The following MAP2K6 variants were observed in gnomAD, a reference collection of about 807,000 sequenced individuals.
MAP2K6 encodes the protein mitogen-activated protein kinase kinase 6.
A neutral mutation model predicts 53.7 loss-of-function variants in MAP2K6; 16 were observed. That is an observed-to-expected ratio of 0.30 (90% confidence interval 0.20 to 0.45). The LOEUF is 0.45. MAP2K6 is among the 20% of genes least tolerant of loss of function. The pLI is 1.00. For synonymous variants in MAP2K6, 132 were observed against 143.1 expected (o/e 0.92, Z 0.55); for missense variants, 204 against 411.9 (o/e 0.50, Z 4.37).
At chr17:69,459,132 A>G (rs1907524555) in intron 1 of MAP2K6, among the ~76,000 whole-genome samples, 1 of 152,206 alleles carries the variant, frequency 6.6e-6, no homozygotes, top group African/African-American at 2.4e-5. Flanking sequence ...TTTATACTTA[A>G]AAACGTGTTT....
At position 69,414,849 on chromosome 17, in the gene MAP2K6, T is replaced by C; in HGVS notation, c.-136T>C. The C allele has an allele frequency of 4.1e-6, 3 of 735,366 alleles. No homozygotes were observed. The South Asian group carries it at 5.0e-5, about 12-fold the overall frequency. 45.6% of individuals were successfully genotyped at this position (735,366 alleles called of 1,614,324 possible). On this transcript the variant is annotated 5_prime_UTR_variant, in exon 1 of 12. Coordinates refer to ENST00000590474, the MANE Select transcript of MAP2K6 (RefSeq NM_002758.4). ...CTTGATTCCCTGAAAGTCCATCTGC[T>C]GCATCGGTCAAGAGAAACTCCACTT...
chr17:69,456,445 G>T (rs1481829089), intron 1 of MAP2K6, among the ~76,000 whole-genome samples: 2 of 152,188 alleles, frequency 1.3e-5, no homozygotes, highest in Non-Finnish European at 2.9e-5. Flanking sequence ...TGATTCTAGA[G>T]ATTGGCTTGA....
intron 1 of MAP2K6, among the ~76,000 whole-genome samples, chr17:69,500,467 A>AAAAAT (rs1909115198): frequency 5.4e-5 from 8 of 148,862 alleles, no homozygotes; most frequent in Non-Finnish European, 3.0e-5. Flanking sequence ...AAAAAAAAAA[A>AAAAAT]AAAAAAAGGC....
At chr17:69,451,566 G>A (rs1030622836) in intron 1 of MAP2K6, among the ~76,000 whole-genome samples, 1 of 152,176 alleles carries the variant, frequency 6.6e-6, no homozygotes, top group Non-Finnish European at 1.5e-5. Flanking sequence ...TTGCATACAG[G>A]AAGTTTACTG....
chr17:69,464,418 C>G (rs576929036), intron 1 of MAP2K6, among the ~76,000 whole-genome samples: 1 of 152,014 alleles, frequency 6.6e-6, no homozygotes, highest in Non-Finnish European at 1.5e-5. Flanking sequence ...GGCTGGAGTT[C>G]GAGTCCAGGC....
At chr17:69,536,694 GT>G (rs1437062998) in intron 11 of MAP2K6, among the ~76,000 whole-genome samples, 2 of 152,198 alleles carry the variant, frequency 1.3e-5, no homozygotes, top group African/African-American at 4.8e-5. Context: ...AGCATTCACA[GT>G]TTATCACTTG....
chr17:69,522,339 A>G (rs1433352325), intron 7 of MAP2K6, among the ~76,000 whole-genome samples: 1 of 152,246 alleles, frequency 6.6e-6, no homozygotes, highest in Non-Finnish European at 1.5e-5. Flanking sequence ...CAACTTTGAA[A>G]TTAACATTAA....
At chr17:69,535,508 C>T (rs1229370104) in intron 10 of MAP2K6, among the ~76,000 whole-genome samples, 1 of 152,136 alleles carries the variant, frequency 6.6e-6, no homozygotes, top group Non-Finnish European at 1.5e-5. Flanking sequence ...GGAAGATCAC[C>T]TGAGCCTAGG....
intron 6 of MAP2K6, 200 bp from the exon 7 acceptor site, chr17:69,520,835 GGAGACATCCTCTCT>G: frequency 4.2e-6 from 2 of 473,470 alleles, no homozygotes. Flanking sequence ...GACAGATGAG[GGAGACATCCTCTCT>G]GATATAAGAT....
Position 69,443,163 on chromosome 17 carries a change from T to C in MAP2K6, c.16+28163T>C, listed in dbSNP as rs1433091495. Among the ~76,000 whole-genome samples, 4 of 152,288 alleles carry C rather than the reference T, an allele frequency of 2.6e-5. No individual in the cohort carries two copies. The East Asian group carries it at 7.7e-4, about 29-fold the overall frequency. On this transcript the variant is annotated intron_variant, in intron 1 of 11. Coordinates refer to ENST00000590474, the MANE Select transcript of MAP2K6 (RefSeq NM_002758.4). ...AATTTATTGTACCTCTCTCATACCT[T>C]ATGTTTATTCTTAGAATGTCCATTT...
chr17:69,505,737 T>C (rs746850236), intron 1 of MAP2K6, 43 bp from the exon 2 acceptor site: 6 of 1,496,904 alleles, frequency 4.0e-6, no homozygotes, highest in Non-Finnish European at 5.6e-6. Context: ...GCTATCTTGC[T>C]ATGATTTAGT....
intron 1 of MAP2K6, among the ~76,000 whole-genome samples, chr17:69,462,327 C>T (rs1310030835): frequency 6.6e-6 from 1 of 152,090 alleles, no homozygotes; most frequent in Non-Finnish European, 1.5e-5. Flanking sequence ...CTTGGCTGGT[C>T]TCTGTGGACT....
chr17:69,419,437 A>G (rs569259191), intron 1 of MAP2K6, among the ~76,000 whole-genome samples: 21 of 152,304 alleles, frequency 1.4e-4, no homozygotes, highest in African/African-American at 5.1e-4. Flanking sequence ...ATTGCCAAGT[A>G]AATTGCTCTT....
At chr17:69,452,687 C>G (rs1035699097) in intron 1 of MAP2K6, among the ~76,000 whole-genome samples, 1 of 152,068 alleles carries the variant, frequency 6.6e-6, no homozygotes, top group Non-Finnish European at 1.5e-5. Context: ...CTTACAATAG[C>G]CTCTGTTTTT....
chr17:69,509,552 C>T (rs747339189), intron 2 of MAP2K6, among the ~76,000 whole-genome samples: 2 of 152,126 alleles, frequency 1.3e-5, no homozygotes, highest in Non-Finnish European at 2.9e-5. Context: ...TATAAACAGT[C>T]ATGGCATCTG....
Position 69,549,566 on chromosome 17 carries a change from T to C in MAP2K6, c.*7813T>C, listed in dbSNP as rs1912013639. On this transcript the variant is annotated 3_prime_UTR_variant, in exon 12 of 12. Transcript: ENST00000590474. ...ATATAACAAAAATCAAAGTCAACAA[T>C]TTTGTATCAGGCTGCCTAAATGAAC... is the stretch of plus-strand genomic sequence containing the variant. The C allele has an allele frequency of 6.6e-6, 1 of 152,150 alleles. No individual in the cohort carries two copies. Among genetic ancestry groups the C allele is most frequent in the Non-Finnish European group, 1.5e-5 (1 of 68,026 alleles). 9.4% of individuals were successfully genotyped at this position (152,150 alleles called of 1,614,324 possible).
intron 1 of MAP2K6, among the ~76,000 whole-genome samples, chr17:69,428,459 T>C (rs1906342312): frequency 6.6e-6 from 1 of 152,246 alleles, no homozygotes; most frequent in Non-Finnish European, 1.5e-5. Flanking sequence ...AAGCCAGTCA[T>C]ATTAAAGTTA....
chr17:69,493,351 G>T (rs537992020), intron 1 of MAP2K6, among the ~76,000 whole-genome samples: 2 of 151,966 alleles, frequency 1.3e-5, no homozygotes, highest in African/African-American at 4.8e-5. Flanking sequence ...TACAAAAGGG[G>T]CAATGCCTTC....
chr17:69,524,351 T>C (rs1910650145), intron 8 of MAP2K6, among the ~76,000 whole-genome samples: 1 of 151,368 alleles, frequency 6.6e-6, no homozygotes, highest in South Asian at 2.1e-4. Context: ...AACAAGGCAG[T>C]TAGATTAGTT....
Sources: allele counts gnomAD v4.1 joint callset (sites outside exome capture counted in the v4.1 genomes callset), GRCh38; gene constraint gnomAD v4.1.1; transcripts MANE v1.5; gene names NCBI Gene and HGNC (gene_info 2026-07-23, HGNC 2026-07-21).